Variants in SLC4A8 observed in about 807,000 individuals in gnomAD.
SLC4A8 encodes solute carrier family 4 member 8, also known as electroneutral sodium bicarbonate exchanger 1.
Under a neutral mutation model 125.0 loss-of-function variants are expected in SLC4A8, and 40 were observed. The ratio of observed to expected loss-of-function variants is 0.32; its 90% CI spans 0.25 to 0.42. SLC4A8 has a LOEUF of 0.42. Among genes scored for constraint, SLC4A8 ranks in the 10% least tolerant of loss-of-function variants. The probability of loss-of-function intolerance (pLI) is 1.00; values close to 1 mark genes in which losing one functional copy is unlikely to be tolerated. For synonymous variants in SLC4A8, 456 were observed against 476.0 expected, an observed-to-expected ratio of 0.96 and a Z score of 0.55; for missense variants, 863 against 1,355.1, an observed-to-expected ratio of 0.64 and a Z score of 5.70.
intron 17 of SLC4A8, 32 bp downstream of exon 17, chr12:51,485,932 A>G (rs751268198): frequency 1.1e-5 from 13 of 1,201,766 alleles, no homozygotes; most frequent in Middle Eastern, 1.9e-4. Context: ...TGGTGCACTC[A>G]TGTAATTTCA....
chr12:51,422,753 G>A (rs1171952546), upstream of SLC4A8, among the ~76,000 whole-genome samples: 1 of 152,174 alleles, frequency 6.6e-6, no homozygotes, highest in Admixed American at 6.5e-5. Context: ...AATGGGCCAT[G>A]TGCATTATTA....
At chr12:51,397,118 C>T (rs973057830) in intron 1 of SLC4A8, among the ~76,000 whole-genome samples, 3 of 151,498 alleles carry the variant, frequency 2.0e-5, no homozygotes, top group Non-Finnish European at 2.9e-5. Flanking sequence ...TTAGTAGAGA[C>T]GGGGTTTCAC....
At chr12:51,488,317 G>T (rs1288904598) in intron 17 of SLC4A8, among the ~76,000 whole-genome samples, 1 of 152,170 alleles carries the variant, frequency 6.6e-6, no homozygotes, top group African/African-American at 2.4e-5. Flanking sequence ...AAAATGTTTA[G>T]GGGGTGGATT....
intron 16 of SLC4A8, among the ~76,000 whole-genome samples, chr12:51,476,373 C>T (rs895216853): frequency 2.0e-5 from 3 of 151,806 alleles, no homozygotes; most frequent in African/African-American, 7.3e-5. Flanking sequence ...CCCAGCTACT[C>T]GGGAGGCTGA....
intron 5 of SLC4A8, among the ~76,000 whole-genome samples, chr12:51,455,505 G>A (rs1417729059): frequency 6.6e-6 from 1 of 152,150 alleles, no homozygotes; most frequent in Non-Finnish European, 1.5e-5. Flanking sequence ...GAGCCAAAGT[G>A]CCCCTACCTC....
chr12:51,475,453 G>A (rs1950830425), intron 16 of SLC4A8, among the ~76,000 whole-genome samples: 1 of 152,164 alleles, frequency 6.6e-6, no homozygotes, highest in African/African-American at 2.4e-5. Context: ...TGGTAGTGAT[G>A]GTTTTTTAAA....
rs1369788253 is a variant in SLC4A8, at chr12:51,504,036, A to G, written c.3089A>G (p.Glu1030Gly). The change falls in exon 23 of 25, where the codon GAG becomes GGG. Residue 1030 changes from glutamate to glycine, a missense_variant. Transcript: ENST00000453097. ...KKKAKEEEEA[E>G]KMLEIGGDKF... ...TGTTTCTTTTTCTTCCAGGAGGCTGAGAAAATGTTAGAAATTGGGGGAGAC... is the reference window on the plus strand; with the variant it reads ...TGTTTCTTTTTCTTCCAGGAGGCTGGGAAAATGTTAGAAATTGGGGGAGAC... 1.3e-6 allele frequency: 2 copies of G among 1,571,732 alleles called. No individual in the cohort carries two copies. Among genetic ancestry groups the G allele is most frequent in the Admixed American group, 1.8e-5 (1 of 55,334 alleles).
chr12:51,411,063 TTTA>T (rs1170274526), intron 1 of SLC4A8, among the ~76,000 whole-genome samples: 8 of 131,840 alleles, frequency 6.1e-5, no homozygotes, highest in African/African-American at 8.2e-5. Context: ...TTTTTTTTTT[TTTA>T]AATACAGAAT....
intron 22 of SLC4A8, among the ~76,000 whole-genome samples, chr12:51,503,495 G>T (rs950007337): frequency 1.3e-5 from 2 of 152,214 alleles, no homozygotes; most frequent in Non-Finnish European, 2.9e-5. Context: ...ACAGGCGTGA[G>T]CCACCATGCC....
chr12:51,401,554 A>T (rs1221166056), intron 1 of SLC4A8, among the ~76,000 whole-genome samples: 1 of 152,080 alleles, frequency 6.6e-6, no homozygotes, highest in East Asian at 1.9e-4. Flanking sequence ...CCACCAGTGT[A>T]TTCCTCTCGA....
At chr12:51,448,186 G>A (rs1036370672) in intron 2 of SLC4A8, among the ~76,000 whole-genome samples, 7 of 152,224 alleles carry the variant, frequency 4.6e-5, no homozygotes, top group Non-Finnish European at 7.3e-5. Flanking sequence ...GCCATGATCA[G>A]AGATGTAACT....
At chr12:51,440,882 T>C in intron 2 of SLC4A8, 93 bp downstream of exon 2, 1 of 1,108,372 alleles carries the variant, frequency 9.0e-7, no homozygotes, top group Non-Finnish European at 1.3e-6. Flanking sequence ...TCTCACTAGC[T>C]GTCAGACCTT....
rs754944375 is a variant in SLC4A8 at position 51,451,009 on chromosome 12, A to T, written c.264A>T (p.Glu88Asp). The T allele has an allele frequency of 3.0e-5, 46 of 1,531,566 alleles. No homozygotes were observed. Among genetic ancestry groups the T allele is most frequent in the Non-Finnish European group, 3.5e-6 (4 of 1,137,292 alleles). The allele number at this position is 1,531,566 out of a possible 1,614,324, so 94.9% of individuals were successfully genotyped here. The change falls in exon 3 of 25, where the codon GAA becomes GAT. Residue 88 changes from glutamate (E) to aspartate (D), a missense_variant. Transcript: ENST00000453097. ...CCAGCCAGGGGGAGGAAGGCCTGGAAGCCCTGGCCCACGGTAAGGGCCTTG... is the reference window on the plus strand; with the variant it reads ...CCAGCCAGGGGGAGGAAGGCCTGGATGCCCTGGCCCACGGTAAGGGCCTTG... The part of the protein sequence containing the change: ...KGASQGEEGL[E>D]ALAHDTPSQR...
rs1949639460 is a variant in SLC4A8, at chr12:51,442,646, C to CTT, written c.130+1862_130+1863dup. 2.6e-5 allele frequency among the ~76,000 whole-genome samples: 4 copies of CTT among 152,144 alleles called. No individual in the cohort carries two copies. In the South Asian group the frequency reaches 6.2e-4, roughly 24 times the overall value. ...TGGGAGATGGTCCTTTGTACGTAGA[C>CTT]TTTTTTGAAAACTAGAATCTTATTT... On this transcript the variant is annotated intron_variant, in intron 2 of 24. Transcript: ENST00000453097.
intron 21 of SLC4A8, among the ~76,000 whole-genome samples, chr12:51,495,470 C>CTT (rs3028942): frequency 0.38 from 28,728 of 76,354 alleles, 5,012 homozygotes; most frequent in Non-Finnish European, 0.44. Context: ...TTTCTTTCTT[C>CTT]TTTTTTTTTT....
chr12:51,459,917 C>T, intron 7 of SLC4A8, 34 bp from the exon 8 acceptor site: 1 of 1,577,012 alleles, frequency 6.3e-7, no homozygotes, highest in South Asian at 1.2e-5. Context: ...GGTGGTGGTT[C>T]CCAAGTTGTC....
At chr12:51,498,139 A>G (rs1023052717) in intron 22 of SLC4A8, among the ~76,000 whole-genome samples, 2 of 152,074 alleles carry the variant, frequency 1.3e-5, no homozygotes, top group Admixed American at 1.3e-4. Flanking sequence ...ATTATAAAAT[A>G]TAAAGTCAAT....
At chr12:51,433,743 T>C (rs1215390358) in intron 1 of SLC4A8, among the ~76,000 whole-genome samples, 1 of 152,200 alleles carries the variant, frequency 6.6e-6, no homozygotes, top group Admixed American at 6.5e-5. Flanking sequence ...AAACTTTGTA[T>C]GTGCCTGAAA....
chr12:51,423,449 A>G (rs1050220066), upstream of SLC4A8, among the ~76,000 whole-genome samples: 3 of 152,210 alleles, frequency 2.0e-5, no homozygotes, highest in South Asian at 2.1e-4. Flanking sequence ...CAGGATTAGT[A>G]AAGAGATTGA....
Sources: gnomAD v4.1 joint callset for allele counts (sites outside exome capture counted in the v4.1 genomes callset) on GRCh38, gnomAD v4.1.1 for gene constraint, MANE v1.5 for transcripts, NCBI Gene and HGNC (gene_info 2026-07-23, HGNC 2026-07-21) for gene names.